Variants in WNT7B observed in about 807,000 individuals in gnomAD.
WNT7B encodes protein Wnt-7b.
WNT7B carries 19 observed loss-of-function variants against 38.2 expected under a neutral mutation model. The observed-to-expected ratio is 0.50, with a 90% CI of 0.35 to 0.73. The LOEUF (loss-of-function observed/expected upper bound fraction) is 0.73, where lower values mean the gene tolerates loss of function less well. Among genes scored for constraint, WNT7B ranks in the 30% least tolerant of loss-of-function variants. WNT7B has a pLI of 0.01. For synonymous variants in WNT7B, 243 were observed against 209.3 expected (o/e 1.16, Z -1.39); for missense variants, 423 against 507.9 (o/e 0.83, Z 1.61).
rs967367191 is a variant in WNT7B, at chr22:45,925,962, C to A, written c.571-2627G>T. 36 of 984,982 alleles carry A rather than the reference C, an allele frequency of 3.7e-5. No individual in the cohort carries two copies. In the African/African-American group the frequency reaches 5.6e-4, roughly 15 times the overall value. 61.0% of individuals were successfully genotyped at this position (984,982 alleles called of 1,614,324 possible). A position where few individuals can be genotyped will look rare whatever the true frequency, so the allele number is the denominator to read the frequency against. On this transcript the variant is annotated intron_variant, in intron 3 of 3. Coordinates refer to ENST00000339464, the MANE Select transcript of WNT7B (RefSeq NM_058238.3). ...CTGCCCCTGGTACTGTGCCCTGTAT[C>A]CCTCCCCCTCCTCCCTCCCCTGTCC... is the stretch of plus-strand genomic sequence containing the variant.
rs1489271765 is a variant in WNT7B at position 45,976,401 on chromosome 22, G to A, written c.71+283C>T. ...GGGCCTGGAGCCCAAACAGGTGAAAGTACGCGCCGGGCACGCTCGCCGCTA... is the reference window on the plus strand; with the variant it reads ...GGGCCTGGAGCCCAAACAGGTGAAAATACGCGCCGGGCACGCTCGCCGCTA... On this transcript the variant is annotated intron_variant, in intron 1 of 3. Coordinates refer to ENST00000339464, the MANE Select transcript of WNT7B (RefSeq NM_058238.3). This position sits in a 1 kb window ranked among gnomAD's most constrained non-coding sequence, Gnocchi z 8.5. Among the ~76,000 whole-genome samples, 1 of 151,628 alleles carries A rather than the reference G, an allele frequency of 6.6e-6. No individual in the cohort carries two copies. The highest frequency in any genetic ancestry group is 1.5e-5 in the Non-Finnish European group (1 of 67,840).
At chr22:45,957,395 G>A (rs1162565586) in intron 1 of WNT7B, among the ~76,000 whole-genome samples, 1 of 151,334 alleles carries the variant, frequency 6.6e-6, no homozygotes, top group East Asian at 2.0e-4. Flanking sequence ...TTAAAATACA[G>A]AAAACAGGCC....
intron 2 of WNT7B, among the ~76,000 whole-genome samples, chr22:45,943,025 ATGTG>A (rs797000246): frequency 7.3e-6 from 1 of 136,586 alleles, no homozygotes; most frequent in East Asian, 2.2e-4. Context: ...GTGCATGTGT[ATGTG>A]TGTGCGCGTG....
intron 2 of WNT7B, among the ~76,000 whole-genome samples, chr22:45,949,316 C>T (rs943641452): frequency 2.0e-5 from 3 of 151,248 alleles, no homozygotes; most frequent in Admixed American, 1.3e-4. Context: ...GTCCATCAAA[C>T]CACTCCCCAC....
intron 1 of WNT7B, among the ~76,000 whole-genome samples, chr22:45,959,831 G>A (rs1334862770): frequency 1.3e-5 from 2 of 152,114 alleles, no homozygotes; most frequent in African/African-American, 2.4e-5. Flanking sequence ...TCCCCAGAAG[G>A]ACCGGGGCAG....
chr22:45,959,951 C>A (rs529913856), intron 1 of WNT7B, among the ~76,000 whole-genome samples: 1 of 152,318 alleles, frequency 6.6e-6, no homozygotes, highest in South Asian at 2.1e-4. Context: ...GAAGCGGGAA[C>A]CCTGGGGCCA....
At chr22:45,926,858 C>T (rs754189048) in intron 3 of WNT7B, 4 of 985,322 alleles carry the variant, frequency 4.1e-6, no homozygotes, top group South Asian at 9.4e-5. Context: ...TGTGCCCCTC[C>T]CAGGATCCGG....
intron 1 of WNT7B, among the ~76,000 whole-genome samples, chr22:45,952,292 G>A (rs1485610914): frequency 7.2e-5 from 11 of 152,216 alleles, no homozygotes; most frequent in Non-Finnish European, 1.5e-4. Flanking sequence ...GAAAGTCCCC[G>A]TGCGGCCTGA....
At position 45,922,935 on chromosome 22, in the gene WNT7B, CA is replaced by C; in HGVS notation, c.970del (p.Cys324AlafsTer131). 6.2e-7 allele frequency: 1 copy of C among 1,613,018 alleles called. No homozygotes were observed. Among genetic ancestry groups the C allele is most frequent in the South Asian group, 1.1e-5 (1 of 91,084 alleles). Reference protein sequence around the residue: ...NTHQYTKVWQCNCKFHWCCFV... With the variant: ...NTHQYTKVWQXNCKFHWCCFV... ...GCAGCACCAGTGGAATTTGCAGTTG[CA>C]CTGCCACACCTTGGTGTACTGGTGG... On this transcript the variant is annotated frameshift_variant, in exon 4 of 4. Transcript: ENST00000339464. LOFTEE classifies it high-confidence loss of function.
chr22:45,975,863 C>CA lies in WNT7B; in HGVS notation c.71+820dup. On this transcript the variant is annotated intron_variant, in intron 1 of 3. Transcript: ENST00000339464. This position sits in a 1 kb window ranked among gnomAD's most constrained non-coding sequence, Gnocchi z 6.6. ...CTCCGTCACGCCGTTTCTCCACCCCCACTTCGAGCGAAGCCGAGACAGATT... is the reference window on the plus strand; with the variant it reads ...CTCCGTCACGCCGTTTCTCCACCCCCAACTTCGAGCGAAGCCGAGACAGATT... 3.9e-6 allele frequency: 1 copy of CA among 258,472 alleles called. No individual in the cohort carries two copies. The highest frequency in any genetic ancestry group is 7.2e-6 in the Non-Finnish European group (1 of 138,596). 16.0% of individuals were successfully genotyped at this position (258,472 alleles called of 1,614,324 possible).
rs896309977 is a variant in WNT7B, at chr22:45,975,013, C to G, written c.71+1671G>C. Among the ~76,000 whole-genome samples the G allele has an allele frequency of 1.3e-5, 2 of 152,250 alleles. No individual in the cohort carries two copies. The highest frequency in any genetic ancestry group is 1.3e-4 in the Admixed American group (2 of 15,304). On this transcript the variant is annotated intron_variant, in intron 1 of 3. Transcript: ENST00000339464. This position sits in a 1 kb window ranked among gnomAD's most constrained non-coding sequence, Gnocchi z 6.6. ...ACTCGTGGGAGGAAGGGCTGCTTTC[C>G]GATGACTGAGGCAGAAGAATGGACG...
At chr22:45,952,741 T>C (rs1931963015) in intron 1 of WNT7B, among the ~76,000 whole-genome samples, 2 of 152,334 alleles carry the variant, frequency 1.3e-5, no homozygotes, top group Non-Finnish European at 2.9e-5. Flanking sequence ...AATGGATCAC[T>C]GCCATGGCCA....
chr22:45,940,221 C>T (rs1297821650), intron 2 of WNT7B, among the ~76,000 whole-genome samples: 2 of 152,128 alleles, frequency 1.3e-5, no homozygotes, highest in African/African-American at 2.4e-5. Context: ...CTCTCTGAGG[C>T]CCCATGGGTA....
intron 2 of WNT7B, 76 bp from the exon 3 acceptor site, chr22:45,931,445 C>T (rs1458267957): frequency 2.8e-6 from 4 of 1,440,516 alleles, no homozygotes; most frequent in Non-Finnish European, 3.7e-6. Flanking sequence ...GGGTGCCGGG[C>T]CTCGATCCAC....
At position 45,928,814 on chromosome 22, in the gene WNT7B, A is replaced by C. The variant is rs963429946; in HGVS notation, c.570+2284T>G. Among the ~76,000 whole-genome samples, 66 of 152,118 alleles carry C rather than the reference A, an allele frequency of 4.3e-4. 1 individual carries two copies. The highest frequency in any genetic ancestry group is 1.5e-4 in the Non-Finnish European group (10 of 68,014). On this transcript the variant is annotated intron_variant, in intron 3 of 3. Transcript: ENST00000339464. ...CAATGGCACCTGTAGCCCAGAGACC[A>C]ACACCACCCTACCCGGCCATCCTGG...
At chr22:45,969,694 C>T (rs1386302262) in intron 1 of WNT7B, among the ~76,000 whole-genome samples, 4 of 152,254 alleles carry the variant, frequency 2.6e-5, no homozygotes, top group Non-Finnish European at 5.9e-5. Flanking sequence ...ATTCGGTGTG[C>T]ACCGACCACA....
intron 1 of WNT7B, among the ~76,000 whole-genome samples, chr22:45,957,967 G>A (rs565930439): frequency 6.2e-4 from 95 of 152,318 alleles, no homozygotes; most frequent in African/African-American, 2.0e-3. Flanking sequence ...CCCTGAATGC[G>A]GGCAACAGCC....
intron 2 of WNT7B, among the ~76,000 whole-genome samples, chr22:45,943,531 C>T (rs1464016810): frequency 2.0e-5 from 3 of 152,124 alleles, no homozygotes; most frequent in African/African-American, 7.2e-5. Context: ...GGCCTGCCCT[C>T]GGGAGTGCTC....
intron 3 of WNT7B, among the ~76,000 whole-genome samples, chr22:45,930,585 C>A (rs753013276): frequency 6.6e-6 from 1 of 152,228 alleles, no homozygotes; most frequent in Non-Finnish European, 1.5e-5. Flanking sequence ...CACTCCGTCC[C>A]GCCCCATGCA....
Sources: gnomAD v4.1 joint callset for allele counts (sites outside exome capture counted in the v4.1 genomes callset) on GRCh38, gnomAD v4.1.1 for gene constraint, Gnocchi (gnomAD v3.1) non-coding constraint, MANE v1.5 for transcripts, NCBI Gene and HGNC (gene_info 2026-07-23, HGNC 2026-07-21) for gene names.